The following SYN3 variants were observed in gnomAD, a reference collection of about 807,000 sequenced individuals.
The protein encoded by SYN3 is synapsin III, also known as synapsin-3.
In SYN3, 35 loss-of-function variants were observed where a neutral mutation model predicts 65.8. The ratio of observed to expected loss-of-function variants is 0.53; its 90% CI spans 0.41 to 0.70. The LOEUF (loss-of-function observed/expected upper bound fraction) is 0.70, where lower values mean the gene tolerates loss of function less well. Among genes scored for constraint, SYN3 ranks in the 30% least tolerant of loss-of-function variants. The probability of loss-of-function intolerance (pLI) is 0.00; values close to 1 mark genes in which losing one functional copy is unlikely to be tolerated. For missense variants in SYN3, 680 were observed against 749.0 expected, an observed-to-expected ratio of 0.91 and a Z score of 1.08; for synonymous variants, 270 against 292.9, an observed-to-expected ratio of 0.92 and a Z score of 0.80.
chr22:32,610,731 T>C (rs1601753359), intron 6 of SYN3, among the ~76,000 whole-genome samples: 1 of 152,136 alleles, frequency 6.6e-6, no homozygotes, highest in Admixed American at 6.5e-5. Context: ...TACAGGCGCA[T>C]GCCACCACGC....
intron 6 of SYN3, among the ~76,000 whole-genome samples, chr22:32,627,092 T>C (rs1399367071): frequency 1.3e-5 from 2 of 152,026 alleles, no homozygotes; most frequent in African/African-American, 4.8e-5. Flanking sequence ...GCTGTGCGGT[T>C]CCTCCTTCCC....
intron 1 of SYN3, among the ~76,000 whole-genome samples, chr22:33,007,329 A>T (rs1476725758): frequency 4.6e-5 from 7 of 152,208 alleles, no homozygotes; most frequent in African/African-American, 1.7e-4. Flanking sequence ...AAAGAAATCA[A>T]AGTGTTAACA....
intron 6 of SYN3, among the ~76,000 whole-genome samples, chr22:32,803,990 C>G (rs1216031263): frequency 6.6e-6 from 1 of 152,122 alleles, no homozygotes; most frequent in Non-Finnish European, 1.5e-5. Context: ...CTGCTTACTG[C>G]TTAGGTTTCC....
At chr22:32,747,063 C>T (rs1424403162) in intron 6 of SYN3, among the ~76,000 whole-genome samples, 1 of 152,198 alleles carries the variant, frequency 6.6e-6, no homozygotes, top group African/African-American at 2.4e-5. Context: ...GGAACTACCT[C>T]AACACAATGG....
At chr22:33,013,903 CCCT>C (rs1011537749) in intron 1 of SYN3, among the ~76,000 whole-genome samples, 66 of 151,846 alleles carry the variant, frequency 4.3e-4, no homozygotes, top group African/African-American at 1.5e-3. Flanking sequence ...CAGAATTTTC[CCCT>C]CCTTTTTTTT....
At chr22:32,986,309 G>C (rs1241667319) in intron 2 of SYN3, among the ~76,000 whole-genome samples, 3 of 152,160 alleles carry the variant, frequency 2.0e-5, no homozygotes, top group Non-Finnish European at 1.5e-5. Context: ...TCCTCGACTT[G>C]ATTCTAACCT....
chr22:32,995,239 C>T (rs2052844401), intron 2 of SYN3, among the ~76,000 whole-genome samples: 1 of 152,198 alleles, frequency 6.6e-6, no homozygotes, highest in Non-Finnish European at 1.5e-5. Flanking sequence ...CTAAGGCCAA[C>T]CTCTCACTGG....
chr22:32,879,193 C>G (rs1174576532), intron 4 of SYN3, among the ~76,000 whole-genome samples: 4 of 152,124 alleles, frequency 2.6e-5, no homozygotes, highest in African/African-American at 9.7e-5. Context: ...CATCACATAC[C>G]CTTAAACAGA....
At chr22:32,889,843 A>T (rs953377973) in intron 4 of SYN3, among the ~76,000 whole-genome samples, 1 of 152,032 alleles carries the variant, frequency 6.6e-6, no homozygotes, top group Non-Finnish European at 1.5e-5. Context: ...CTTTTTATCA[A>T]AAGTCATTAG....
chr22:32,924,066 T>A (rs968057755), intron 4 of SYN3, among the ~76,000 whole-genome samples: 1 of 152,238 alleles, frequency 6.6e-6, no homozygotes, highest in South Asian at 2.1e-4. Flanking sequence ...ATGTACCACA[T>A]TTTCTTTATC....
intron 6 of SYN3, among the ~76,000 whole-genome samples, chr22:32,644,762 T>A (rs2059959951): frequency 6.6e-6 from 1 of 152,150 alleles, no homozygotes. Context: ...GCGGCCTCTA[T>A]CCCGTGGCCT....
At chr22:32,610,292 C>CA (rs1234648863) in intron 6 of SYN3, among the ~76,000 whole-genome samples, 1 of 151,822 alleles carries the variant, frequency 6.6e-6, no homozygotes, top group Admixed American at 6.6e-5. Flanking sequence ...CTGCCCCCCC[C>CA]AAAAAAAGAA....
At chr22:32,827,807 T>G (rs2047456261) in intron 6 of SYN3, among the ~76,000 whole-genome samples, 1 of 152,306 alleles carries the variant, frequency 6.6e-6, no homozygotes, top group Admixed American at 6.5e-5. Context: ...CCTCAAATGC[T>G]CCAGGCTCCA....
intron 3 of SYN3, among the ~76,000 whole-genome samples, chr22:32,939,547 C>A (rs544682742): frequency 7.2e-5 from 11 of 152,314 alleles, no homozygotes; most frequent in African/African-American, 2.6e-4. Context: ...ATGATGCTAC[C>A]ATTTTAATGT....
intron 6 of SYN3, among the ~76,000 whole-genome samples, chr22:32,741,935 C>G (rs925227916): frequency 6.6e-6 from 1 of 152,124 alleles, no homozygotes; most frequent in African/African-American, 2.4e-5. Flanking sequence ...CAAGTATTTA[C>G]CTTTCTAGTT....
At chr22:32,813,146 T>C (rs2046957684) in intron 6 of SYN3, among the ~76,000 whole-genome samples, 1 of 152,218 alleles carries the variant, frequency 6.6e-6, no homozygotes, top group African/African-American at 2.4e-5. Flanking sequence ...CATATTGGAA[T>C]ATTACTCACT....
At chr22:32,603,500 A>C (rs1213548746) in intron 6 of SYN3, among the ~76,000 whole-genome samples, 3 of 150,800 alleles carry the variant, frequency 2.0e-5, no homozygotes, top group Non-Finnish European at 3.0e-5. Context: ...AGCCTGGGCG[A>C]CAGAGCGAGA....
rs769440155 is a variant in SYN3, at chr22:32,859,239, C to T, written c.711+5676G>A. The T allele has an allele frequency of 8.1e-6, 13 of 1,614,156 alleles. No individual in the cohort carries two copies. The highest frequency in any genetic ancestry group is 6.7e-5 in the Admixed American group (4 of 60,020). On this transcript the variant is annotated intron_variant, in intron 6 of 13. Transcript: ENST00000358763. ...CTTCCAAGAACGAGTGTCTCTGGAC[C>T]GACATGCTCTCCAATTTCGGTTACC...
At position 32,590,186 on chromosome 22, in the gene SYN3, A is replaced by G. The variant is rs567412076; in HGVS notation, c.774+6488T>C. On this transcript the variant is annotated intron_variant, in intron 7 of 13. Coordinates refer to ENST00000358763, the MANE Select transcript of SYN3 (RefSeq NM_003490.4). ...GAAGATAACTTCTATTCTGACTTTT[A>G]TGGTGATAATCTCTTGCTTTTCTTA... is the stretch of plus-strand genomic sequence containing the variant. 2.7e-4 allele frequency among the ~76,000 whole-genome samples: 41 copies of G among 152,336 alleles called. 1 individual carries two copies. In the South Asian group the frequency reaches 6.8e-3, roughly 25 times the overall value.
Sources: gnomAD v4.1 joint callset for allele counts (sites outside exome capture counted in the v4.1 genomes callset) on GRCh38, gnomAD v4.1.1 for gene constraint, MANE v1.5 for transcripts, NCBI Gene and HGNC (gene_info 2026-07-23, HGNC 2026-07-21) for gene names.